DDX56: variants seen among roughly 807,000 people sequenced by gnomAD.
DDX56 encodes the protein probable ATP-dependent RNA helicase DDX56.
DDX56 carries 45 observed loss-of-function variants against 61.5 expected under a neutral mutation model. The ratio of observed to expected loss-of-function variants is 0.73; its 90% CI spans 0.58 to 0.94. The LOEUF (loss-of-function observed/expected upper bound fraction) is 0.94, where lower values mean the gene tolerates loss of function less well. DDX56 is among the 40% of genes least tolerant of loss of function. DDX56 has a pLI of 0.00. For synonymous variants in DDX56, 273 were observed against 268.3 expected (o/e 1.02, Z -0.17); for missense variants, 708 against 690.7 (o/e 1.02, Z -0.28).
At chr7:44,566,581 C>G in intron 12 of DDX56, 57 bp from the exon 13 acceptor site, 1 of 1,378,650 alleles carries the variant, frequency 7.3e-7, no homozygotes, top group South Asian at 1.4e-5. Context: ...CATCCCTGCC[C>G]TCCCGCTGAT....
In DDX56 at chr7:44,573,706, G is replaced by C; in HGVS notation, c.99C>G (p.Ile33Met). 1 of 1,613,710 alleles carries C rather than the reference G, an allele frequency of 6.2e-7. No homozygotes were observed. Among genetic ancestry groups the C allele is most frequent in the Non-Finnish European group, 8.5e-7 (1 of 1,180,008 alleles). Reference sequence around the variant, plus strand: ...GGGCCAGTGGGATGGCCTTCTCCTGGATCAGCGTAGGTCGCGACCAGCCCA... The same window carrying C: ...GGGCCAGTGGGATGGCCTTCTCCTGCATCAGCGTAGGTCGCGACCAGCCCA... ...TDLGWSRPTL[I>M]QEKAIPLALE... Residue 33 changes from isoleucine to methionine, a missense_variant, in exon 2 of 14, where the codon ATC becomes ATG. Coordinates refer to ENST00000258772, the MANE Select transcript of DDX56 (RefSeq NM_019082.4).
At chr7:44,569,041 C>T (rs1483580206) in intron 10 of DDX56, 49 bp from the exon 11 acceptor site, 4 of 1,611,684 alleles carry the variant, frequency 2.5e-6, no homozygotes, top group Non-Finnish European at 3.4e-6. Context: ...CCCAAATCCT[C>T]CCTTCACACC....
Position 44,565,916 on chromosome 7 carries a change from G to T in DDX56, c.*86C>A. On this transcript the variant is annotated 3_prime_UTR_variant, in exon 14 of 14. Transcript: ENST00000258772. ...CCCCAGAACTGTCTGTTCAGGCTGT[G>T]CAGTAAGCACCAGAGCCTCGCCTGT... 1 of 1,045,032 alleles carries T rather than the reference G, an allele frequency of 9.6e-7. No homozygotes were observed. The highest frequency in any genetic ancestry group is 1.5e-6 in the Non-Finnish European group (1 of 678,938). The allele number at this position is 1,045,032 out of a possible 1,614,324, so 64.7% of individuals were successfully genotyped here. A position where few individuals can be genotyped will look rare whatever the true frequency, so the allele number is the denominator to read the frequency against.
At position 44,565,945 on chromosome 7, in the gene DDX56, C is replaced by G; in HGVS notation, c.*57G>C. The G allele has an allele frequency of 1.5e-6, 2 of 1,375,660 alleles. No homozygotes were observed. Among genetic ancestry groups the G allele is most frequent in the South Asian group, 1.2e-5 (1 of 83,454 alleles). 85.2% of individuals were successfully genotyped at this position (1,375,660 alleles called of 1,614,324 possible). A position where few individuals can be genotyped will look rare whatever the true frequency, so the allele number is the denominator to read the frequency against. On this transcript the variant is annotated 3_prime_UTR_variant, in exon 14 of 14. Coordinates refer to ENST00000258772, the MANE Select transcript of DDX56 (RefSeq NM_019082.4). ...TAAGCACCAGAGCCTCGCCTGTCCACGAAGGGTGTAAGCCTGTGCTCCACA... is the reference window on the plus strand; with the variant it reads ...TAAGCACCAGAGCCTCGCCTGTCCAGGAAGGGTGTAAGCCTGTGCTCCACA...
intron 5 of DDX56, 38 bp from the exon 6 acceptor site, chr7:44,571,774 G>A (rs1802679771): frequency 6.2e-7 from 1 of 1,608,950 alleles, no homozygotes; most frequent in East Asian, 2.2e-5. Context: ...GAAAGGAAAA[G>A]AACACAGAGA....
In DDX56 at chr7:44,572,583, C is replaced by T. The variant is rs866430814; in HGVS notation, c.545G>A (p.Ser182Asn). 6.2e-7 allele frequency: 1 copy of T among 1,614,114 alleles called. No individual in the cohort carries two copies. Among genetic ancestry groups the T allele is most frequent in the South Asian group, 1.1e-5 (1 of 91,076 alleles). The change falls in exon 4 of 14, where the codon AGT becomes AAT. Residue 182 changes from serine to asparagine, a missense_variant. Physicochemically the swap from Ser to Asn is conservative, Grantham distance 46. Transcript: ENST00000258772. Reference protein sequence around the residue: ...FSFGFEEELKSLLCHLPRIYQ... With the variant: ...FSFGFEEELKNLLCHLPRIYQ... ...CCCACCTCTGCCTTACCAGAGGAGACTCTTGAGCTCTTCTTCAAAGCCAAA... is the reference window on the plus strand; with the variant it reads ...CCCACCTCTGCCTTACCAGAGGAGATTCTTGAGCTCTTCTTCAAAGCCAAA...
chr7:44,571,029 G>T (rs1158033314), intron 6 of DDX56, 152 bp from the exon 7 acceptor site: 6 of 1,086,500 alleles, frequency 5.5e-6, no homozygotes, highest in African/African-American at 4.8e-5. Context: ...TCCTCAGCTG[G>T]AAATAATTAT....
chr7:44,565,988 G>C lies in DDX56; in HGVS notation c.*14C>G. On this transcript the variant is annotated 3_prime_UTR_variant, in exon 14 of 14. Coordinates refer to ENST00000258772, the MANE Select transcript of DDX56 (RefSeq NM_019082.4). ...GCTCCACAATGTGCTCAGCTCCAGA[G>C]AGGCCCAACAACCTCAGGAGGGCTT... 1 of 1,603,170 alleles carries C rather than the reference G, an allele frequency of 6.2e-7. No individual in the cohort carries two copies. Among genetic ancestry groups the C allele is most frequent in the Non-Finnish European group, 8.5e-7 (1 of 1,171,840 alleles).
At chr7:44,570,920 C>A in intron 6 of DDX56, 43 bp from the exon 7 acceptor site, 1 of 1,583,452 alleles carries the variant, frequency 6.3e-7, no homozygotes, top group Non-Finnish European at 8.6e-7. Context: ...GCAGAGCAAG[C>A]TCAAGGCCCC....
chr7:44,572,187 T>C (rs949933782), intron 5 of DDX56, among the ~76,000 whole-genome samples, 160 bp downstream of exon 5: 6 of 152,166 alleles, frequency 3.9e-5, no homozygotes, highest in Non-Finnish European at 7.3e-5. Context: ...AAATATATAG[T>C]GATTTTAGAC....
At position 44,571,573 on chromosome 7, in the gene DDX56, C is replaced by T. The variant is rs375038290; in HGVS notation, c.809G>A (p.Arg270Gln). The change falls in exon 6 of 14, where the codon CGG (arginine) becomes CAG (glutamine). Residue 270 changes from arginine to glutamine, a missense_variant. Arg to Gln is a conservative substitution (Grantham distance 43). Coordinates refer to ENST00000258772, the MANE Select transcript of DDX56 (RefSeq NM_019082.4). ...KSLLFVNTLE[R>Q]SYRLRLFLEQ... is the part of the protein sequence containing the mutation. ...CAAGAACAGGCGTAGCCGGTAACTC[C>T]GTTCTAGAGTGTTGACAAAGAGCAG... 9.9e-6 allele frequency: 16 copies of T among 1,614,148 alleles called. No homozygotes were observed. The highest frequency in any genetic ancestry group is 2.2e-5 in the East Asian group (1 of 44,890).
At chr7:44,571,852 T>C in intron 5 of DDX56, 116 bp from the exon 6 acceptor site, 2 of 1,359,816 alleles carry the variant, frequency 1.5e-6, no homozygotes, top group Middle Eastern at 5.2e-4. Flanking sequence ...CATTTAAGGA[T>C]TCCTGGCACC....
intron 12 of DDX56, chr7:44,567,716 T>A (rs1802578248): frequency 3.3e-6 from 1 of 298,884 alleles, no homozygotes; most frequent in Admixed American, 4.8e-5. Context: ...AGATGCCTCT[T>A]CAGCAGCTGC....
rs1802700935 is a variant in DDX56 at position 44,572,434 on chromosome 7, G to C, written c.558C>G (p.His186Gln). ...GAAAAGCCTGGTAAATCCGGGGCAA[G>C]TGACTGAAATGAAAGAATCCAATCA... ...FEEELKSLLC[H>Q]LPRIYQAFLM... Residue 186 changes from histidine to glutamine, a missense_variant, in exon 5 of 14, where the codon CAC becomes CAG. Physicochemically the swap from His to Gln is conservative, Grantham distance 24. Coordinates refer to ENST00000258772, the MANE Select transcript of DDX56 (RefSeq NM_019082.4). The C allele has an allele frequency of 4.3e-6, 7 of 1,614,122 alleles. No individual in the cohort carries two copies. Among genetic ancestry groups the C allele is most frequent in the Non-Finnish European group, 5.9e-6 (7 of 1,180,016 alleles).
Position 44,572,618 on chromosome 7 carries a change from A to G in DDX56, c.510T>C (p.Leu170=). 6.2e-7 allele frequency: 1 copy of G among 1,614,170 alleles called. No homozygotes were observed. Among genetic ancestry groups the G allele is most frequent in the Non-Finnish European group, 8.5e-7 (1 of 1,180,040 alleles). ...LELLVVDEAD[L]LFSFGFEEEL... ...CTTCTTCAAAGCCAAAGGAAAAAAG[A>G]AGGTCAGCTTCGTCCACCACCAAAA... Residue 170 remains leucine, a synonymous_variant, in exon 4 of 14, where the codon CTT becomes CTC. Coordinates refer to ENST00000258772, the MANE Select transcript of DDX56 (RefSeq NM_019082.4).
chr7:44,567,614 C>T (rs564809572), intron 12 of DDX56: 56 of 206,330 alleles, frequency 2.7e-4, no homozygotes, highest in Non-Finnish European at 3.9e-4. Flanking sequence ...CTGCATCCCT[C>T]GCACCACCAC....
rs1802744065 is a variant in DDX56, at chr7:44,573,781, A to AG, written c.61-38dup. The AG allele has an allele frequency of 2.5e-6, 4 of 1,613,370 alleles. No individual in the cohort carries two copies. In the East Asian group the frequency reaches 8.9e-5, roughly 36 times the overall value. On this transcript the variant is annotated intron_variant, in intron 1 of 13. Transcript: ENST00000258772. ...GGAGTGCGGTTTAAGCGGCGTGAAG[A>AG]GCGATGGCGCGCCCCGCAGAGCCCG...
In DDX56 at chr7:44,572,575, AGAG is replaced by A. The variant is rs758390352; in HGVS notation, c.550_552del (p.Leu184del). ...GAATCACACCCACCTCTGCCTTACC[AGAG>A]GAGACTCTTGAGCTCTTCTTCAAAG... On this transcript the variant is annotated inframe_deletion and splice_region_variant, in exon 4 of 14. Transcript: ENST00000258772. 1 of 1,614,072 alleles carries A rather than the reference AGAG, an allele frequency of 6.2e-7. No individual in the cohort carries two copies. Among genetic ancestry groups the A allele is most frequent in the Non-Finnish European group, 8.5e-7 (1 of 1,180,014 alleles).
At chr7:44,569,605 C>G (rs1802622376) in intron 9 of DDX56, 1 of 617,306 alleles carries the variant, frequency 1.6e-6, no homozygotes, top group South Asian at 2.0e-5. Flanking sequence ...ATGAGGCAGA[C>G]AGTAAACACA....
Sources: allele counts gnomAD v4.1 joint callset (sites outside exome capture counted in the v4.1 genomes callset), GRCh38; gene constraint gnomAD v4.1.1; transcripts MANE v1.5; gene names NCBI Gene and HGNC (gene_info 2026-07-23, HGNC 2026-07-21).